DOCK10: variants seen among roughly 807,000 people sequenced by gnomAD.
DOCK10 encodes the protein dedicator of cytokinesis protein 10.
A neutral mutation model predicts 280.1 loss-of-function variants in DOCK10; 145 were observed. The ratio of observed to expected loss-of-function variants is 0.52; its 90% CI spans 0.45 to 0.59. The LOEUF (loss-of-function observed/expected upper bound fraction) is 0.59, where lower values mean the gene tolerates loss of function less well. Ranked by LOEUF, DOCK10 falls within the 20% of genes least tolerant of loss-of-function variation. The pLI, the probability that DOCK10 is intolerant of heterozygous loss-of-function variation, is 0.00. For missense variants in DOCK10, 2,368 were observed against 2,651.7 expected (o/e 0.89, Z 2.35); for synonymous variants, 915 against 942.2 (o/e 0.97, Z 0.53).
At chr2:224,939,208 G>C (rs1486463909) in intron 1 of DOCK10, among the ~76,000 whole-genome samples, 1 of 152,210 alleles carries the variant, frequency 6.6e-6, no homozygotes, top group African/African-American at 2.4e-5. Context: ...AGGGATGACT[G>C]TATTGTTACA....
At position 224,765,540 on chromosome 2, in the gene DOCK10, G is replaced by GAA. The variant is rs3835782; in HGVS notation, c.*179_*180dup. ...CCTGGCTTGATCAACACTGCTCAAA[G>GAA]AAAAAAAAATTATACAAAATGTGCA... On this transcript the variant is annotated 3_prime_UTR_variant, in exon 56 of 56. Transcript: ENST00000258390. 6.5e-4 allele frequency: 344 copies of GAA among 528,646 alleles called. No individual in the cohort carries two copies. The highest frequency in any genetic ancestry group is 1.9e-3 in the African/African-American group (100 of 51,832). The allele number at this position is 528,646 out of a possible 1,614,324, so 32.7% of individuals were successfully genotyped here.
chr2:225,019,732 G>C (rs1426341239), intron 1 of DOCK10, among the ~76,000 whole-genome samples: 1 of 152,086 alleles, frequency 6.6e-6, no homozygotes, highest in African/African-American at 2.4e-5. Context: ...CTCTGGCTTT[G>C]GTATCAGACT....
chr2:225,015,215 T>C (rs1204749462), intron 1 of DOCK10, among the ~76,000 whole-genome samples: 1 of 152,128 alleles, frequency 6.6e-6, no homozygotes, highest in Middle Eastern at 3.2e-3. Flanking sequence ...AGTATAAACA[T>C]AAAAAACACT....
intron 4 of DOCK10, among the ~76,000 whole-genome samples, chr2:224,889,266 C>T (rs1699518492): frequency 6.6e-6 from 1 of 152,164 alleles, no homozygotes; most frequent in Admixed American, 6.5e-5. Context: ...ATTCTGTGCA[C>T]TCACATAGGT....
intron 1 of DOCK10, among the ~76,000 whole-genome samples, chr2:224,935,700 ATCC>A (rs1702647045): frequency 6.6e-6 from 1 of 152,216 alleles, no homozygotes; most frequent in Non-Finnish European, 1.5e-5. Context: ...AATCCTCATT[ATCC>A]AAGTGTTAAT....
chr2:224,889,625 C>G (rs1402716037), intron 4 of DOCK10, among the ~76,000 whole-genome samples: 1 of 152,212 alleles, frequency 6.6e-6, no homozygotes, highest in East Asian at 1.9e-4. Context: ...GCTGCCTGCA[C>G]TGATGTTAAC....
chr2:224,947,481 T>C (rs1703485670), intron 1 of DOCK10, among the ~76,000 whole-genome samples: 1 of 152,226 alleles, frequency 6.6e-6, no homozygotes, highest in Admixed American at 6.5e-5. Flanking sequence ...CCCAAAGTGA[T>C]TGTTTAGAGA....
At chr2:224,993,202 G>GTTT (rs112976099) in intron 1 of DOCK10, among the ~76,000 whole-genome samples, 3,320 of 136,208 alleles carry the variant, frequency 0.024, 74 homozygotes, top group Middle Eastern at 0.05. Context: ...TTCTTTGGAA[G>GTTT]TTTTTTTTTT....
intron 23 of DOCK10, among the ~76,000 whole-genome samples, chr2:224,841,348 A>T (rs1273414132): frequency 6.6e-6 from 1 of 152,232 alleles, no homozygotes; most frequent in African/African-American, 2.4e-5. Context: ...ATCATACTGT[A>T]TACAATAAAG....
chr2:224,973,368 C>A (rs962079172), intron 1 of DOCK10, among the ~76,000 whole-genome samples: 1 of 152,114 alleles, frequency 6.6e-6, no homozygotes, highest in African/African-American at 2.4e-5. Context: ...GAGCGTGGAT[C>A]AGCCAGGTGG....
intron 11 of DOCK10, among the ~76,000 whole-genome samples, chr2:224,869,113 C>T (rs948351664): frequency 1.3e-5 from 2 of 151,986 alleles, no homozygotes; most frequent in African/African-American, 4.8e-5. Context: ...TCATAGGTTT[C>T]TTGTGTTTAG....
chr2:224,973,455 T>C (rs1050780394), intron 1 of DOCK10, among the ~76,000 whole-genome samples: 1 of 152,066 alleles, frequency 6.6e-6, no homozygotes, highest in African/African-American at 2.4e-5. Context: ...GGAGAGTCGC[T>C]GGAAGACACT....
chr2:225,009,487 C>G (rs987547605), intron 1 of DOCK10, among the ~76,000 whole-genome samples: 1 of 152,120 alleles, frequency 6.6e-6, no homozygotes, highest in East Asian at 1.9e-4. Context: ...AATTATTCTT[C>G]ATGCAAAAAG....
intron 22 of DOCK10, among the ~76,000 whole-genome samples, chr2:224,842,879 C>A (rs916379661): frequency 2.0e-5 from 3 of 152,126 alleles, no homozygotes; most frequent in African/African-American, 7.2e-5. Flanking sequence ...ACTTCAAACA[C>A]AAAGCAGGTG....
intron 11 of DOCK10, among the ~76,000 whole-genome samples, chr2:224,870,395 C>T (rs888433507): frequency 2.6e-5 from 4 of 152,132 alleles, no homozygotes; most frequent in Non-Finnish European, 4.4e-5. Context: ...GACTAAGTTT[C>T]TAGATTTTTG....
At chr2:224,768,428 G>A (rs756610757) in intron 55 of DOCK10, among the ~76,000 whole-genome samples, 1 of 152,072 alleles carries the variant, frequency 6.6e-6, no homozygotes, top group Non-Finnish European at 1.5e-5. Context: ...CTATAACAAG[G>A]CCTGTGCAAT....
intron 55 of DOCK10, chr2:224,769,089 T>C (rs761194518): frequency 4.5e-5 from 17 of 376,892 alleles, no homozygotes; most frequent in Middle Eastern, 8.7e-4. Flanking sequence ...CCCAGATTTA[T>C]GATTTTCCCC....
intron 11 of DOCK10, among the ~76,000 whole-genome samples, chr2:224,871,401 A>G (rs867626979): frequency 1.3e-5 from 2 of 152,024 alleles, no homozygotes; most frequent in Middle Eastern, 6.8e-3. Context: ...CAATCCACCC[A>G]TTTCTCTCCT....
chr2:224,784,756 G>A (rs780009505), intron 50 of DOCK10: 21 of 1,289,746 alleles, frequency 1.6e-5, no homozygotes, highest in Non-Finnish European at 2.0e-5. Context: ...GAACAATCAA[G>A]ACCAAAAGAA....
Sources: allele counts gnomAD v4.1 joint callset (sites outside exome capture counted in the v4.1 genomes callset), GRCh38; gene constraint gnomAD v4.1.1; transcripts MANE v1.5; gene names NCBI Gene and HGNC (gene_info 2026-07-23, HGNC 2026-07-21).